The following BAZ1A variants were observed in gnomAD, a reference collection of about 807,000 sequenced individuals.
BAZ1A encodes the protein bromodomain adjacent to zinc finger domain 1A, also known as bromodomain adjacent to zinc finger domain protein 1A.
In BAZ1A, 50 loss-of-function variants were observed where a neutral mutation model predicts 185.2. The observed-to-expected ratio is 0.27, with a 90% CI of 0.22 to 0.34. The LOEUF is 0.34. Ranked by LOEUF, BAZ1A falls within the 10% of genes least tolerant of loss-of-function variation. The pLI, the probability that BAZ1A is intolerant of heterozygous loss-of-function variation, is 1.00. For synonymous variants in BAZ1A, 571 were observed against 615.6 expected (o/e 0.93, Z 1.07); for missense variants, 1,356 against 1,839.9 (o/e 0.74, Z 4.81).
At chr14:34,792,383 C>CAA (rs35217207) in intron 12 of BAZ1A, among the ~76,000 whole-genome samples, 28 of 140,990 alleles carry the variant, frequency 2.0e-4, no homozygotes, top group South Asian at 6.7e-4. Flanking sequence ...AACTCCATCT[C>CAA]AAAAAAAAAA....
intron 2 of BAZ1A, among the ~76,000 whole-genome samples, chr14:34,873,520 C>T (rs1335575773): frequency 6.6e-6 from 1 of 152,192 alleles, no homozygotes; most frequent in African/African-American, 2.4e-5. Context: ...GCTCCGCGTT[C>T]TTATCAAAAC....
intron 3 of BAZ1A, among the ~76,000 whole-genome samples, chr14:34,831,238 T>C (rs1349371844): frequency 6.6e-6 from 1 of 152,216 alleles, no homozygotes; most frequent in African/African-American, 2.4e-5. Context: ...CAAATGGCTA[T>C]TAATAGAGCT....
chr14:34,820,111 T>C (rs887956396), intron 4 of BAZ1A, among the ~76,000 whole-genome samples: 3 of 148,910 alleles, frequency 2.0e-5, no homozygotes, highest in Non-Finnish European at 4.5e-5. Flanking sequence ...CATTTTTTAA[T>C]TGGGTTCCTC....
At chr14:34,810,596 T>G (rs990405513) in intron 5 of BAZ1A, among the ~76,000 whole-genome samples, 1 of 152,118 alleles carries the variant, frequency 6.6e-6, no homozygotes, top group Non-Finnish European at 1.5e-5. Flanking sequence ...GGGTTAGTCA[T>G]CTAAACAAAT....
intron 10 of BAZ1A, 125 bp from the exon 11 acceptor site, chr14:34,795,012 T>C (rs1000330172): frequency 1.6e-6 from 2 of 1,275,426 alleles, no homozygotes; most frequent in Non-Finnish European, 2.1e-6. Flanking sequence ...TTCTCAACCC[T>C]TGCTGTTTAT....
At position 34,861,003 on chromosome 14, in the gene BAZ1A, G is replaced by A. The variant is rs919891415; in HGVS notation, c.392+1041C>T. Among the ~76,000 whole-genome samples, 26 of 152,092 alleles carry A rather than the reference G, an allele frequency of 1.7e-4. 1 individual carries two copies. The highest frequency in any genetic ancestry group is 2.6e-4 in the Admixed American group (4 of 15,268). On this transcript the variant is annotated intron_variant, in intron 3 of 26. Coordinates refer to ENST00000360310, the MANE Select transcript of BAZ1A (RefSeq NM_013448.3). ...GGCTTTTTAAGATTCAAGTAGAGTA[G>A]CACCTAACAATTAAAATGGATTATA...
chr14:34,862,857 T>C (rs554690580), intron 2 of BAZ1A, among the ~76,000 whole-genome samples: 5 of 151,900 alleles, frequency 3.3e-5, no homozygotes, highest in African/African-American at 1.2e-4. Context: ...GTTTCTGGAA[T>C]GTCATACAAA....
At chr14:34,759,182 T>G (rs1350487642) in intron 24 of BAZ1A, among the ~76,000 whole-genome samples, 1 of 119,062 alleles carries the variant, frequency 8.4e-6, no homozygotes, top group South Asian at 3.0e-4. Flanking sequence ...TTTTTTTTTT[T>G]TTTTTTTTTT....
intron 21 of BAZ1A, among the ~76,000 whole-genome samples, chr14:34,770,304 C>G (rs1879126599): frequency 6.6e-6 from 1 of 152,152 alleles, no homozygotes; most frequent in Non-Finnish European, 1.5e-5. Flanking sequence ...CAGGCATGCA[C>G]CACCACACCC....
chr14:34,772,418 C>G (rs1472198673), intron 20 of BAZ1A, among the ~76,000 whole-genome samples: 1 of 152,096 alleles, frequency 6.6e-6, no homozygotes, highest in Non-Finnish European at 1.5e-5. Context: ...GTAGCCCGCC[C>G]ATGTACTTCA....
At chr14:34,839,842 A>C (rs867943099) in intron 3 of BAZ1A, among the ~76,000 whole-genome samples, 1,350 of 94,960 alleles carry the variant, frequency 0.014, 16 homozygotes, top group African/African-American at 0.039. Flanking sequence ...TCTGTTTCAA[A>C]AAAAAAAAAA....
chr14:34,773,448 A>G, intron 20 of BAZ1A, 124 bp downstream of exon 20: 1 of 790,826 alleles, frequency 1.3e-6, no homozygotes, highest in Non-Finnish European at 1.9e-6. Context: ...ACAAATATCA[A>G]GGTCCTCACG....
Position 34,813,219 on chromosome 14 carries a change from C to G in BAZ1A, c.537-2183G>C, listed in dbSNP as rs867930282. The stretch of plus-strand genomic sequence containing the variant: ...GCAACATGGGGAAACCTACAAAACA[C>G]ACACACACACACACACACAAAACCT... On this transcript the variant is annotated intron_variant, in intron 4 of 26. Coordinates refer to ENST00000360310, the MANE Select transcript of BAZ1A (RefSeq NM_013448.3). Among the ~76,000 whole-genome samples the G allele has an allele frequency of 1.6e-4, 23 of 147,028 alleles. No individual in the cohort carries two copies. In the Middle Eastern group the frequency reaches 0.011, roughly 68 times the overall value.
chr14:34,874,459 C>A lies in BAZ1A; in HGVS notation c.113+33G>T, dbSNP rs750913026. The A allele has an allele frequency of 3.8e-6, 6 of 1,574,856 alleles. No individual in the cohort carries two copies. In the East Asian group the frequency reaches 6.8e-5, roughly 18 times the overall value. On this transcript the variant is annotated intron_variant, in intron 2 of 26. Transcript: ENST00000360310. The surrounding 1 kb of genome is among the most constrained non-coding windows in gnomAD (Gnocchi z 4.7). ...AGCGCTGCGGGGGGAGTCCCCACAC[C>A]CCCCGCGGCCCCGCACACGGCCCGG...
intron 21 of BAZ1A, chr14:34,768,820 T>C: frequency 2.5e-6 from 1 of 397,682 alleles, no homozygotes; most frequent in Non-Finnish European, 4.9e-6. Flanking sequence ...GATTTTTTTT[T>C]CATAGCTTAA....
At chr14:34,853,687 T>C (rs1441080232) in intron 3 of BAZ1A, among the ~76,000 whole-genome samples, 1 of 152,158 alleles carries the variant, frequency 6.6e-6, no homozygotes, top group Non-Finnish European at 1.5e-5. Context: ...CTCGGGAGGC[T>C]ATGGCAGGAG....
intron 2 of BAZ1A, among the ~76,000 whole-genome samples, chr14:34,867,824 C>G (rs2042885339): frequency 6.6e-6 from 1 of 152,194 alleles, no homozygotes; most frequent in African/African-American, 2.4e-5. Flanking sequence ...CTTTCTCCCA[C>G]TTCTGTAATT....
intron 21 of BAZ1A, among the ~76,000 whole-genome samples, chr14:34,767,544 A>T (rs937347719): frequency 6.6e-6 from 1 of 151,998 alleles, no homozygotes; most frequent in Non-Finnish European, 1.5e-5. Context: ...TCTGTCTCAA[A>T]ATATATATAT....
intron 2 of BAZ1A, among the ~76,000 whole-genome samples, chr14:34,868,330 C>A (rs1163707616): frequency 6.6e-6 from 1 of 152,158 alleles, no homozygotes; most frequent in East Asian, 1.9e-4. Flanking sequence ...ACCATTATTT[C>A]ATAAGGAAAA....
Sources: allele counts gnomAD v4.1 joint callset (sites outside exome capture counted in the v4.1 genomes callset), GRCh38; gene constraint gnomAD v4.1.1; non-coding constraint Gnocchi (gnomAD v3.1); transcripts MANE v1.5; gene names NCBI Gene and HGNC (gene_info 2026-07-23, HGNC 2026-07-21).